The following DHRS12 variants were observed in gnomAD, a reference collection of about 807,000 sequenced individuals.
The protein encoded by DHRS12 is dehydrogenase/reductase 12, also known as dehydrogenase/reductase SDR family member 12.
DHRS12 carries 29 observed loss-of-function variants against 32.1 expected under a neutral mutation model. The observed-to-expected ratio is 0.90, with a 90% CI of 0.67 to 1.23. The LOEUF is 1.23. DHRS12 is among the 50% of genes most tolerant of loss of function. DHRS12 has a pLI of 0.00. For synonymous variants in DHRS12, 150 were observed against 135.9 expected (o/e 1.10, Z -0.72); for missense variants, 330 against 337.2 (o/e 0.98, Z 0.17).
At chr13:51,791,336 G>A (rs933950037) in intron 2 of DHRS12, 79 bp from the exon 3 acceptor site, 29 of 860,230 alleles carry the variant, frequency 3.4e-5, no homozygotes, top group South Asian at 1.1e-4. Context: ...AAAAGTATAC[G>A]GTTTTTAAAA....
chr13:51,793,032 T>C (rs923914437), intron 2 of DHRS12, among the ~76,000 whole-genome samples: 1 of 152,104 alleles, frequency 6.6e-6, no homozygotes, highest in African/African-American at 2.4e-5. Context: ...CTCATGACAC[T>C]TTTCAATCTC....
At chr13:51,770,538 G>A (rs1953962854) in intron 7 of DHRS12, among the ~76,000 whole-genome samples, 1 of 152,212 alleles carries the variant, frequency 6.6e-6, no homozygotes, top group African/African-American at 2.4e-5. Context: ...TCTCCCATTA[G>A]GCCGTGAGAA....
intron 4 of DHRS12, among the ~76,000 whole-genome samples, chr13:51,780,884 T>C (rs1954673937): frequency 6.6e-6 from 1 of 152,238 alleles, no homozygotes; most frequent in African/African-American, 2.4e-5. Flanking sequence ...TATTGCAATT[T>C]GTAAATTTAG....
chr13:51,786,204 T>A (rs928984652), intron 4 of DHRS12, among the ~76,000 whole-genome samples: 4 of 152,228 alleles, frequency 2.6e-5, no homozygotes, highest in Non-Finnish European at 5.9e-5. Flanking sequence ...CCACTGCCTG[T>A]TTATCACAGT....
chr13:51,777,124 G>A lies in DHRS12; in HGVS notation c.302-3C>T, dbSNP rs1397880173. 1.2e-6 allele frequency: 2 copies of A among 1,613,888 alleles called. No individual in the cohort carries two copies. The highest frequency in any genetic ancestry group is 2.7e-5 in the African/African-American group (2 of 74,908). Reference sequence around the variant, plus strand: ...GCCGGTCGTGAGAATGTACACACCTGAGGCAGCACACAGCATCCCATGAGG... The same window carrying A: ...GCCGGTCGTGAGAATGTACACACCTAAGGCAGCACACAGCATCCCATGAGG... On this transcript the variant is annotated splice_polypyrimidine_tract_variant and splice_region_variant and intron_variant, in intron 4 of 8. Transcript: ENST00000444610.
At chr13:51,803,941 G>A (rs1955875002) in intron 1 of DHRS12, 113 bp downstream of exon 1, 9 of 1,016,304 alleles carry the variant, frequency 8.9e-6, no homozygotes, top group Non-Finnish European at 1.2e-5. Context: ...ACGCTTAGTC[G>A]GCCCAGCGAG....
At chr13:51,798,691 T>C (rs79638441) in intron 2 of DHRS12, among the ~76,000 whole-genome samples, 170 of 152,038 alleles carry the variant, frequency 1.1e-3, no homozygotes, top group Admixed American at 4.2e-3. Flanking sequence ...AATGATATAA[T>C]AGTCCCCTGA....
the DHRS12 span, among the ~76,000 whole-genome samples, chr13:51,755,997 A>G: frequency 6.6e-6 from 1 of 151,730 alleles, no homozygotes; most frequent in Non-Finnish European, 1.5e-5. Flanking sequence ...ATCTCCTGAG[A>G]CGGCAGTTTC....
the DHRS12 span, chr13:51,762,439 A>C: frequency 6.6e-6 from 1 of 152,218 alleles, no homozygotes; most frequent in South Asian, 2.1e-4. Flanking sequence ...AGATATGTCA[A>C]GGTATCCATT....
the DHRS12 span, chr13:51,756,397 C>T: frequency 6.2e-7 from 1 of 1,614,152 alleles, no homozygotes; most frequent in Non-Finnish European, 8.5e-7. Flanking sequence ...CCTCCATCCC[C>T]CTGATGGGCT....
At chr13:51,770,714 C>G in intron 7 of DHRS12, 3 of 989,288 alleles carry the variant, frequency 3.0e-6, no homozygotes, top group Non-Finnish European at 3.6e-6. Context: ...CCACAAAGCA[C>G]CAACACACAC....
Position 51,791,271 on chromosome 13 carries a change from C to T in DHRS12, c.127-14G>A. 2 of 906,990 alleles carry T rather than the reference C, an allele frequency of 2.2e-6. No homozygotes were observed. Among genetic ancestry groups the T allele is most frequent in the Non-Finnish European group, 3.0e-6 (2 of 665,168 alleles). The allele number at this position is 906,990 out of a possible 1,614,324, so 56.2% of individuals were successfully genotyped here. ...CAGAAAAATGTTCTAAATTAGAAAGCAAAAAAAAAAAAAACCCTTTTTAAA... is the reference window on the plus strand; with the variant it reads ...CAGAAAAATGTTCTAAATTAGAAAGTAAAAAAAAAAAAAACCCTTTTTAAA... On this transcript the variant is annotated splice_polypyrimidine_tract_variant and intron_variant, in intron 2 of 8. Transcript: ENST00000444610.
chr13:51,780,233 G>A (rs936855083), intron 4 of DHRS12, among the ~76,000 whole-genome samples: 5 of 152,036 alleles, frequency 3.3e-5, no homozygotes, highest in Non-Finnish European at 7.4e-5. Context: ...AGACACAGGA[G>A]GGGCATTGTT....
At chr13:51,772,774 C>G in intron 6 of DHRS12, 1 of 985,464 alleles carries the variant, frequency 1.0e-6, no homozygotes, top group Non-Finnish European at 1.2e-6. Flanking sequence ...GCCTCATTTA[C>G]AAGTGGATGG....
At chr13:51,795,399 T>C (rs1955466924) in intron 2 of DHRS12, among the ~76,000 whole-genome samples, 2 of 152,204 alleles carry the variant, frequency 1.3e-5, no homozygotes, top group African/African-American at 4.8e-5. Flanking sequence ...GTATAAACAA[T>C]AATGATAATA....
At chr13:51,784,660 T>C (rs4595696) in intron 4 of DHRS12, among the ~76,000 whole-genome samples, 139 of 152,312 alleles carry the variant, frequency 9.1e-4, no homozygotes, top group African/African-American at 3.2e-3. Flanking sequence ...AAACGATGCA[T>C]GAGGATAGCT....
At position 51,777,105 on chromosome 13, in the gene DHRS12, C is replaced by T. The variant is rs201598068; in HGVS notation, c.318G>A (p.Thr106=). Reference sequence around the variant, plus strand: ...TCTCCAGCACAGGGATCAGGCCGGTCGTGAGAATGTACACACCTGAGGCAG... The same window carrying T: ...TCTCCAGCACAGGGATCAGGCCGGTTGTGAGAATGTACACACCTGAGGCAG... ...AANTLGVYIL[T]TGLIPVLEKE... is the part of the protein sequence containing the mutation. The change falls in exon 5 of 9, where the codon ACG becomes ACA. Residue 106 remains threonine, a synonymous_variant. Coordinates refer to ENST00000444610, the MANE Select transcript of DHRS12 (RefSeq NM_001377533.1). 16 of 1,614,050 alleles carry T rather than the reference C, an allele frequency of 9.9e-6. No individual in the cohort carries two copies. The highest frequency in any genetic ancestry group is 3.3e-4 in the Middle Eastern group (2 of 6,062).
chr13:51,783,429 G>T (rs888527862), intron 4 of DHRS12, among the ~76,000 whole-genome samples: 1 of 152,160 alleles, frequency 6.6e-6, no homozygotes, highest in African/African-American at 2.4e-5. Context: ...CAGACATTGA[G>T]CTGAAAGTTA....
At chr13:51,793,127 C>T (rs948171188) in intron 2 of DHRS12, among the ~76,000 whole-genome samples, 1 of 152,172 alleles carries the variant, frequency 6.6e-6, no homozygotes, top group African/African-American at 2.4e-5. Context: ...GTCTAATGTG[C>T]CGTTTCTCCT....
Sources: allele counts gnomAD v4.1 joint callset (sites outside exome capture counted in the v4.1 genomes callset), GRCh38; gene constraint gnomAD v4.1.1; transcripts MANE v1.5; gene names NCBI Gene and HGNC (gene_info 2026-07-23, HGNC 2026-07-21).